PPP3R1: variants seen among roughly 807,000 people sequenced by gnomAD.
PPP3R1 encodes calcineurin subunit B type 1.
In PPP3R1, 5 loss-of-function variants were observed where a neutral mutation model predicts 22.6. The observed-to-expected ratio is 0.22, with a 90% CI of 0.12 to 0.46. The LOEUF (loss-of-function observed/expected upper bound fraction) is 0.46. Among genes scored for constraint, PPP3R1 ranks in the 20% least tolerant of loss-of-function variants. PPP3R1 has a pLI of 0.99. For synonymous variants in PPP3R1, 56 were observed against 65.2 expected (o/e 0.86, Z 0.68); for missense variants, 61 against 203.2 (o/e 0.30, Z 4.25).
rs184532420 is a variant in PPP3R1, at chr2:68,246,515, A to G, written c.3+5610T>C. Among the ~76,000 whole-genome samples the G allele has an allele frequency of 2.6e-5, 4 of 152,258 alleles. No individual in the cohort carries two copies. In the East Asian group the frequency reaches 7.7e-4, roughly 29 times the overall value. ...CCTGGCTTCCCTTGCCACCATTACA[A>G]CAAACTACTATTGACCAAGTCATCA... On this transcript the variant is annotated intron_variant, in intron 1 of 5. Coordinates refer to ENST00000234310, the MANE Select transcript of PPP3R1 (RefSeq NM_000945.4).
chr2:68,233,389 C>T (rs1472418876), intron 1 of PPP3R1, among the ~76,000 whole-genome samples: 1 of 152,116 alleles, frequency 6.6e-6, no homozygotes, highest in Non-Finnish European at 1.5e-5. Flanking sequence ...GACTCCAGAA[C>T]AACTGGAGTT....
intron 1 of PPP3R1, among the ~76,000 whole-genome samples, chr2:68,237,626 A>C (rs953657920): frequency 4.6e-5 from 7 of 152,206 alleles, no homozygotes; most frequent in Admixed American, 4.6e-4. Context: ...AAACTGGACA[A>C]GCAGAGTAGC....
In PPP3R1 at chr2:68,252,028, G is replaced by A. The variant is rs551221796; in HGVS notation, c.3+97C>T. ...CCGGGTCTCTGGAATTTTCCACGGG[G>A]GACAGCCGACCGGGGGCGTCGGGGC... On this transcript the variant is annotated intron_variant, in intron 1 of 5. Transcript: ENST00000234310. The A allele has an allele frequency of 1.1e-5, 13 of 1,225,714 alleles. No homozygotes were observed. In the South Asian group the frequency reaches 2.3e-4, roughly 22 times the overall value. The allele number at this position is 1,225,714 out of a possible 1,614,324, so 75.9% of individuals were successfully genotyped here. A position where few individuals can be genotyped will look rare whatever the true frequency, so the allele number is the denominator to read the frequency against.
chr2:68,235,697 T>C (rs1408352416), intron 1 of PPP3R1, among the ~76,000 whole-genome samples: 1 of 152,208 alleles, frequency 6.6e-6, no homozygotes, highest in African/African-American at 2.4e-5. Context: ...TTCACATGTT[T>C]CATTTCTTTT....
intron 1 of PPP3R1, among the ~76,000 whole-genome samples, chr2:68,219,415 C>T (rs1254218098): frequency 1.3e-5 from 2 of 152,116 alleles, no homozygotes; most frequent in South Asian, 2.1e-4. Context: ...TTTGGAGATT[C>T]CCCTTTATAC....
chr2:68,235,627 A>C (rs569760458), intron 1 of PPP3R1, among the ~76,000 whole-genome samples: 6 of 152,226 alleles, frequency 3.9e-5, no homozygotes, highest in African/African-American at 1.4e-4. Flanking sequence ...GACTGTTTCC[A>C]TTTTTGGCCA....
chr2:68,195,884 A>C (rs1186556924), intron 2 of PPP3R1, among the ~76,000 whole-genome samples: 4 of 149,040 alleles, frequency 2.7e-5, no homozygotes, highest in Admixed American at 2.7e-4. Flanking sequence ...CCTTTCCAAC[A>C]ACCTTTTTTT....
At chr2:68,184,846 G>A (rs1044464348) in intron 5 of PPP3R1, among the ~76,000 whole-genome samples, 1 of 152,130 alleles carries the variant, frequency 6.6e-6, no homozygotes, top group Non-Finnish European at 1.5e-5. Flanking sequence ...CCAATGCTTT[G>A]GAAGGCTGAA....
At chr2:68,209,076 T>C (rs1300363498) in intron 2 of PPP3R1, among the ~76,000 whole-genome samples, 1 of 151,130 alleles carries the variant, frequency 6.6e-6, no homozygotes, top group Non-Finnish European at 1.5e-5. Context: ...CTGTGGAAGT[T>C]GGCCGGGCGC....
chr2:68,236,167 A>C (rs1228318486), intron 1 of PPP3R1, among the ~76,000 whole-genome samples: 1 of 152,120 alleles, frequency 6.6e-6, no homozygotes, highest in Non-Finnish European at 1.5e-5. Flanking sequence ...TAGATTTGTT[A>C]ATTTTGATGA....
At chr2:68,192,301 G>C (rs1284401531) in intron 2 of PPP3R1, among the ~76,000 whole-genome samples, 1 of 151,980 alleles carries the variant, frequency 6.6e-6, no homozygotes, top group East Asian at 1.9e-4. Context: ...AAGGTGACAG[G>C]GAATTTAAAC....
intron 5 of PPP3R1, among the ~76,000 whole-genome samples, chr2:68,181,781 ACT>A (rs1393238022): frequency 6.6e-6 from 1 of 151,934 alleles, no homozygotes; most frequent in Non-Finnish European, 1.5e-5. Context: ...TATGCGTGTC[ACT>A]CTCAGTCTGT....
chr2:68,232,257 GTGTGTGTGTATATA>G (rs1258566041), intron 1 of PPP3R1, among the ~76,000 whole-genome samples: 2,150 of 77,040 alleles, frequency 0.028, 68 homozygotes, highest in African/African-American at 0.14. Context: ...GTGTGTGTGT[GTGTGTGTGTATATA>G]TATATACACA....
intron 5 of PPP3R1, among the ~76,000 whole-genome samples, chr2:68,184,266 T>G (rs1674484001): frequency 6.6e-6 from 1 of 152,210 alleles, no homozygotes; most frequent in Admixed American, 6.5e-5. Flanking sequence ...GTGCCATCAA[T>G]TTCTGAGCCT....
In PPP3R1 at chr2:68,185,465, A is replaced by G. The variant is rs144819064; in HGVS notation, c.465+1003T>C. ...TATTTATATTATATTTATAATTTAT[A>G]TATTATATATATGTAAAATATACAT... On this transcript the variant is annotated intron_variant, in intron 5 of 5. Coordinates refer to ENST00000234310, the MANE Select transcript of PPP3R1 (RefSeq NM_000945.4). 4.1e-5 allele frequency among the ~76,000 whole-genome samples: 6 copies of G among 147,686 alleles called. No individual in the cohort carries two copies. In the South Asian group the frequency reaches 1.3e-3, roughly 31 times the overall value.
At chr2:68,197,231 A>ACG (rs978074541) in intron 2 of PPP3R1, among the ~76,000 whole-genome samples, 1 of 152,136 alleles carries the variant, frequency 6.6e-6, no homozygotes, top group African/African-American at 2.4e-5. Context: ...ACCCTAGGCA[A>ACG]CCACTGTTCT....
chr2:68,219,937 T>G (rs918399353), intron 1 of PPP3R1, among the ~76,000 whole-genome samples: 1 of 152,196 alleles, frequency 6.6e-6, no homozygotes, highest in Non-Finnish European at 1.5e-5. Context: ...AAGTTCAAGA[T>G]AGACTCCCCT....
chr2:68,209,535 T>C (rs1669429947), intron 2 of PPP3R1, among the ~76,000 whole-genome samples: 1 of 151,756 alleles, frequency 6.6e-6, no homozygotes, highest in African/African-American at 2.4e-5. Flanking sequence ...GCATGGATTG[T>C]TTGAGCCCAG....
intron 5 of PPP3R1, among the ~76,000 whole-genome samples, chr2:68,185,003 A>G (rs1323321235): frequency 6.6e-6 from 1 of 152,138 alleles, no homozygotes; most frequent in Non-Finnish European, 1.5e-5. Context: ...GGTGGATCAC[A>G]AGGTCAGAAG....
Sources: allele counts gnomAD v4.1 joint callset (sites outside exome capture counted in the v4.1 genomes callset), GRCh38; gene constraint gnomAD v4.1.1; transcripts MANE v1.5; gene names NCBI Gene and HGNC (gene_info 2026-07-23, HGNC 2026-07-21).